The following SKIC3 variants were observed in gnomAD, a reference collection of about 807,000 sequenced individuals.
SKIC3 encodes superkiller complex protein 3.
At chr5:95,502,180 A>G in the SKIC3 span, among the ~76,000 whole-genome samples, 4 of 152,226 alleles carry the variant, frequency 2.6e-5, no homozygotes, top group Non-Finnish European at 5.9e-5. Context: ...AGGAGTGCTA[A>G]TATTAGCACT....
the SKIC3 span, among the ~76,000 whole-genome samples, chr5:95,482,942 T>C: frequency 1.3e-5 from 2 of 152,144 alleles, no homozygotes; most frequent in African/African-American, 4.8e-5. Context: ...ATAGTTGAAC[T>C]AAGAAAATAT....
At chr5:95,487,477 C>T in the SKIC3 span, among the ~76,000 whole-genome samples, 1 of 152,188 alleles carries the variant, frequency 6.6e-6, no homozygotes, top group Non-Finnish European at 1.5e-5. Context: ...CCAACTGCTG[C>T]CACCACTAGG....
the SKIC3 span, among the ~76,000 whole-genome samples, chr5:95,539,969 G>A: frequency 7.9e-5 from 12 of 151,926 alleles, no homozygotes; most frequent in African/African-American, 2.7e-4. Flanking sequence ...TGTTTATAGC[G>A]GCACAAGTCA....
At chr5:95,505,155 T>C in the SKIC3 span, among the ~76,000 whole-genome samples, 1 of 152,236 alleles carries the variant, frequency 6.6e-6, no homozygotes, top group African/African-American at 2.4e-5. Context: ...ACTATATCTT[T>C]GAGATTCTTC....
At chr5:95,540,103 A>G in the SKIC3 span, among the ~76,000 whole-genome samples, 1 of 152,208 alleles carries the variant, frequency 6.6e-6, no homozygotes, top group Non-Finnish European at 1.5e-5. Flanking sequence ...AATACTACTC[A>G]GCTATAAAAA....
the SKIC3 span, among the ~76,000 whole-genome samples, chr5:95,553,552 G>GT: frequency 1.3e-5 from 2 of 151,962 alleles, no homozygotes; most frequent in African/African-American, 4.8e-5. Context: ...ATTGTTTAGG[G>GT]GTTTTTTTGT....
At chr5:95,541,857 T>A in the SKIC3 span, 2 of 1,613,192 alleles carry the variant, frequency 1.2e-6, no homozygotes, top group Non-Finnish European at 1.7e-6. Context: ...ACCAGGCAAG[T>A]CATCCTTAGC....
the SKIC3 span, among the ~76,000 whole-genome samples, chr5:95,527,469 T>C: frequency 5.9e-5 from 9 of 152,302 alleles, no homozygotes; most frequent in Non-Finnish European, 8.8e-5. Context: ...AGACCAGTAA[T>C]AGTCTTTACC....
the SKIC3 span, chr5:95,541,684 G>GATC: frequency 4.3e-6 from 3 of 693,640 alleles, no homozygotes; most frequent in Non-Finnish European, 4.7e-6. Context: ...AAGATTCTAC[G>GATC]ACAAATGTTT....
the SKIC3 span, chr5:95,523,747 G>C: frequency 6.2e-7 from 1 of 1,613,566 alleles, no homozygotes; most frequent in Non-Finnish European, 8.5e-7. Context: ...TAACATCCAC[G>C]AGCTCTGTTT....
the SKIC3 span, among the ~76,000 whole-genome samples, chr5:95,473,438 C>T: frequency 9.3e-4 from 141 of 152,190 alleles, no homozygotes; most frequent in African/African-American, 3.2e-3. Flanking sequence ...CATGCCACTA[C>T]GCCTGGCTAA....
the SKIC3 span, among the ~76,000 whole-genome samples, chr5:95,505,306 C>A: frequency 9.1e-4 from 138 of 152,164 alleles, no homozygotes; most frequent in African/African-American, 3.3e-3. Flanking sequence ...AATAAGTTTT[C>A]TAAAGGTGAA....
At chr5:95,553,572 T>G in the SKIC3 span, among the ~76,000 whole-genome samples, 10,741 of 152,184 alleles carry the variant, frequency 0.071, 442 homozygotes, top group South Asian at 0.14. Context: ...TTTTTGTTTT[T>G]TTTTTGAGAT....
chr5:95,492,830 T>C, the SKIC3 span, among the ~76,000 whole-genome samples: 161 of 152,112 alleles, frequency 1.1e-3, 2 homozygotes, highest in Middle Eastern at 3.4e-3. Flanking sequence ...TACAGTATTG[T>C]ATAGTTTGCA....
chr5:95,477,577 A>G, the SKIC3 span, among the ~76,000 whole-genome samples: 1 of 152,154 alleles, frequency 6.6e-6, no homozygotes, highest in African/African-American at 2.4e-5. Flanking sequence ...ATAAAATGAA[A>G]AATTCTCCTC....
the SKIC3 span, among the ~76,000 whole-genome samples, chr5:95,465,727 T>G: frequency 6.6e-6 from 1 of 152,232 alleles, no homozygotes; most frequent in African/African-American, 2.4e-5. Flanking sequence ...TTCCCACATA[T>G]GCAGTCGGTT....
chr5:95,475,637 A>AAT, the SKIC3 span, among the ~76,000 whole-genome samples: 1 of 152,344 alleles, frequency 6.6e-6, no homozygotes, highest in African/African-American at 2.4e-5. Flanking sequence ...GCAACAGACG[A>AAT]ATACAGTTGG....
the SKIC3 span, chr5:95,530,042 G>A: frequency 6.2e-7 from 1 of 1,603,680 alleles, no homozygotes; most frequent in Non-Finnish European, 8.5e-7. Flanking sequence ...CCTACTGACT[G>A]AATAATAATT....
At chr5:95,529,047 T>C in the SKIC3 span, 3 of 1,613,722 alleles carry the variant, frequency 1.9e-6, no homozygotes, top group African/African-American at 1.3e-5. Context: ...GCATTTTGAC[T>C]TGGGCTTCTG....
Sources: gnomAD v4.1 joint callset for allele counts (sites outside exome capture counted in the v4.1 genomes callset) on GRCh38, gnomAD v4.1.1 for gene constraint, MANE v1.5 for transcripts, NCBI Gene and HGNC (gene_info 2026-07-23, HGNC 2026-07-21) for gene names.